Variants in MAP2 observed in about 807,000 individuals in gnomAD.
MAP2 encodes microtubule associated protein 2.
MAP2 carries 14 observed loss-of-function variants against 137.6 expected under a neutral mutation model. The ratio of observed to expected loss-of-function variants is 0.10; its 90% CI spans 0.07 to 0.16. The LOEUF is 0.16. Among genes scored for constraint, MAP2 ranks in the 10% least tolerant of loss-of-function variants. MAP2 has a pLI of 1.00. For missense variants in MAP2, 2,088 were observed against 2,191.5 expected (o/e 0.95, Z 0.94); for synonymous variants, 786 against 782.3 (o/e 1.00, Z -0.08).
chr2:209,707,356 A>T (rs928740610), intron 12 of MAP2, among the ~76,000 whole-genome samples: 1 of 152,142 alleles, frequency 6.6e-6, no homozygotes, highest in Non-Finnish European at 1.5e-5. Flanking sequence ...AAAACATAGG[A>T]TCTGTTTTAC....
At chr2:209,505,319 A>G (rs1336557730) in intron 1 of MAP2, among the ~76,000 whole-genome samples, 4 of 152,170 alleles carry the variant, frequency 2.6e-5, no homozygotes, top group Non-Finnish European at 5.9e-5. Flanking sequence ...ACATAAATTG[A>G]AAGCAAATCT....
intron 3 of MAP2, among the ~76,000 whole-genome samples, chr2:209,598,076 G>T (rs552941574): frequency 3.0e-4 from 45 of 152,092 alleles, no homozygotes; most frequent in South Asian, 1.2e-3. Context: ...CGCAACCTTG[G>T]CTCACTGCAA....
intron 2 of MAP2, among the ~76,000 whole-genome samples, chr2:209,560,680 T>C (rs1303361536): frequency 6.6e-6 from 1 of 152,110 alleles, no homozygotes; most frequent in East Asian, 1.9e-4. Flanking sequence ...AGGGTCTTGC[T>C]GTGTTGTTCA....
rs1184415046 is a variant in MAP2 at position 209,696,586 on chromosome 2, A to C, written c.4225A>C (p.Lys1409Gln). 2 of 1,613,754 alleles carry C rather than the reference A, an allele frequency of 1.2e-6. No individual in the cohort carries two copies. The highest frequency in any genetic ancestry group is 2.7e-5 in the African/African-American group (2 of 74,874). ...IMTEQLETIP[K>Q]EEKAEKEARR... ...GACAGAACAGTTAGAAACTATTCCT[A>C]AAGAGGAGAAAGCTGAAAAGGAAGC... The change falls in exon 9 of 16, where the codon AAA (lysine) becomes CAA (glutamine). Residue 1409 changes from lysine to glutamine, a missense_variant. Transcript: ENST00000682079.
chr2:209,485,390 T>A (rs1458337779), intron 1 of MAP2, among the ~76,000 whole-genome samples: 5 of 152,196 alleles, frequency 3.3e-5, no homozygotes, highest in African/African-American at 1.2e-4. Context: ...CTTTTTTTTT[T>A]ATTGTGTCAG....
intron 13 of MAP2, among the ~76,000 whole-genome samples, chr2:209,719,588 AG>A (rs2069308475): frequency 6.6e-6 from 1 of 152,118 alleles, no homozygotes; most frequent in African/African-American, 2.4e-5. Flanking sequence ...ACCCTGTTTT[AG>A]GGGAACAGGT....
rs2075702661 is a variant in MAP2 at position 209,730,946 on chromosome 2, T to G, written c.*549T>G. On this transcript the variant is annotated 3_prime_UTR_variant, in exon 16 of 16. Coordinates refer to ENST00000682079, the MANE Select transcript of MAP2 (RefSeq NM_001375505.1). Reference sequence around the variant, plus strand: ...TTAACATTTGGGACCTGGATAATTATATCAGAGTATGTCAGTCCAATAAAT... The same window carrying G: ...TTAACATTTGGGACCTGGATAATTAGATCAGAGTATGTCAGTCCAATAAAT... 6.5e-6 allele frequency: 1 copy of G among 154,160 alleles called. No homozygotes were observed. Among genetic ancestry groups the G allele is most frequent in the South Asian group, 2.0e-4 (1 of 4,938 alleles). The allele number at this position is 154,160 out of a possible 1,614,324, so 9.5% of individuals were successfully genotyped here.
chr2:209,490,478 C>T (rs1396041870), intron 1 of MAP2, among the ~76,000 whole-genome samples: 1 of 150,962 alleles, frequency 6.6e-6, no homozygotes, highest in Non-Finnish European at 1.5e-5. Context: ...AAGGCACAGA[C>T]TGGCAAATTG....
intron 1 of MAP2, among the ~76,000 whole-genome samples, chr2:209,446,792 GAGAA>G (rs1699172855): frequency 6.6e-6 from 1 of 151,366 alleles, no homozygotes; most frequent in African/African-American, 2.4e-5. Flanking sequence ...GGCTGCTTGA[GAGAA>G]AGAATCCTAC....
At chr2:209,674,594 A>T (rs950808977) in intron 5 of MAP2, among the ~76,000 whole-genome samples, 5 of 151,662 alleles carry the variant, frequency 3.3e-5, no homozygotes, top group African/African-American at 4.8e-5. Context: ...AAAAAACAGC[A>T]ATCAGTAATC....
chr2:209,489,135 ACC>A (rs2058763885), intron 1 of MAP2, among the ~76,000 whole-genome samples: 1 of 152,220 alleles, frequency 6.6e-6, no homozygotes, highest in Non-Finnish European at 1.5e-5. Flanking sequence ...CGCTGATGAT[ACC>A]CAGGCAAAGA....
intron 1 of MAP2, among the ~76,000 whole-genome samples, chr2:209,505,348 G>C (rs1421636106): frequency 6.6e-6 from 1 of 152,098 alleles, no homozygotes; most frequent in African/African-American, 2.4e-5. Context: ...TTTATGCTTA[G>C]AAACCCACAA....
intron 7 of MAP2, among the ~76,000 whole-genome samples, chr2:209,685,214 A>G (rs904877927): frequency 6.6e-6 from 1 of 152,192 alleles, no homozygotes; most frequent in Non-Finnish European, 1.5e-5. Flanking sequence ...CTGTGAGACT[A>G]TGGAAGTAAA....
At chr2:209,560,408 T>A (rs1481898623) in intron 2 of MAP2, among the ~76,000 whole-genome samples, 1 of 152,174 alleles carries the variant, frequency 6.6e-6, no homozygotes, top group African/African-American at 2.4e-5. Context: ...AACATATAAC[T>A]TCTTTTATTT....
chr2:209,449,356 CAA>C (rs34150403), intron 1 of MAP2, among the ~76,000 whole-genome samples: 2 of 152,136 alleles, frequency 1.3e-5, no homozygotes, highest in Admixed American at 6.5e-5. Flanking sequence ...TCCAGAACTA[CAA>C]AAATACTTGA....
chr2:209,657,509 T>C (rs1405194216), intron 5 of MAP2, among the ~76,000 whole-genome samples: 1 of 152,236 alleles, frequency 6.6e-6, no homozygotes, highest in African/African-American at 2.4e-5. Context: ...GGTTTTAATT[T>C]GCATTTCCGT....
At chr2:209,569,225 G>A (rs2073995140) in intron 2 of MAP2, among the ~76,000 whole-genome samples, 1 of 151,730 alleles carries the variant, frequency 6.6e-6, no homozygotes, top group Non-Finnish European at 1.5e-5. Flanking sequence ...TACACTACAT[G>A]TTTTATCTCA....
intron 1 of MAP2, among the ~76,000 whole-genome samples, chr2:209,463,235 A>G (rs557523196): frequency 6.6e-6 from 1 of 152,324 alleles, no homozygotes; most frequent in Non-Finnish European, 1.5e-5. Context: ...TAATCACCTC[A>G]TATTTATTCT....
intron 2 of MAP2, among the ~76,000 whole-genome samples, chr2:209,571,285 G>C (rs1306675525): frequency 6.6e-6 from 1 of 151,814 alleles, no homozygotes; most frequent in Non-Finnish European, 1.5e-5. Flanking sequence ...CATTAATAGA[G>C]TGCCCTCTAC....
Sources: gnomAD v4.1 joint callset for allele counts (sites outside exome capture counted in the v4.1 genomes callset) on GRCh38, gnomAD v4.1.1 for gene constraint, MANE v1.5 for transcripts, NCBI Gene and HGNC (gene_info 2026-07-23, HGNC 2026-07-21) for gene names.